Variants in ATP13A3 observed in about 807,000 individuals in gnomAD.
ATP13A3 encodes the protein ATPase 13A3, also known as polyamine-transporting ATPase 13A3.
ATP13A3 carries 59 observed loss-of-function variants against 158.1 expected under a neutral mutation model. The ratio of observed to expected loss-of-function variants is 0.37; its 90% CI spans 0.30 to 0.46. The LOEUF is 0.46. ATP13A3 is among the 20% of genes least tolerant of loss of function. The probability of loss-of-function intolerance (pLI) is 1.00; values close to 1 mark genes in which losing one functional copy is unlikely to be tolerated. For synonymous variants in ATP13A3, 491 were observed against 504.3 expected, an observed-to-expected ratio of 0.97 and a Z score of 0.35; for missense variants, 1,166 against 1,525.2, an observed-to-expected ratio of 0.76 and a Z score of 3.92.
chr3:194,455,923 C>T lies in ATP13A3; in HGVS notation c.600G>A (p.Val200=). ...LYGVNEIAVK[V]PSVFKLLIKE... Reference sequence around the variant, plus strand: ...TAATTAGAAGCTTAAAAACAGAAGGCACTTTTACAGCAATTTCATTTACTC... The same window carrying T: ...TAATTAGAAGCTTAAAAACAGAAGGTACTTTTACAGCAATTTCATTTACTC... The change falls in exon 8 of 34, where the codon GTG becomes GTA. Residue 200 remains valine, a synonymous_variant. Coordinates refer to ENST00000645319, the MANE Select transcript of ATP13A3 (RefSeq NM_001367549.1). The T allele has an allele frequency of 6.4e-7, 1 of 1,554,666 alleles. No individual in the cohort carries two copies. The highest frequency in any genetic ancestry group is 8.7e-7 in the Non-Finnish European group (1 of 1,142,952).
upstream of ATP13A3, chr3:194,488,485 C>T (rs2109093860): frequency 6.5e-6 from 1 of 152,814 alleles, no homozygotes; most frequent in South Asian, 2.1e-4. This position sits in a 1 kb window ranked among gnomAD's most constrained non-coding sequence, Gnocchi z 4.1. Context: ...CCCTGGCTGC[C>T]TCTGCTTCCT....
Position 194,427,203 on chromosome 3 carries a change from C to T in ATP13A3, c.2997G>A (p.Ser999=), listed in dbSNP as rs368291439. 335 of 1,610,940 alleles carry T rather than the reference C, an allele frequency of 2.1e-4. No homozygotes were observed. The highest frequency in any genetic ancestry group is 2.6e-4 in the Non-Finnish European group (310 of 1,179,394). ...AGAGAAGGGCCCCAGATATAAGACC[C>T]GAAGGTGGTCTTTGTGCCACAAGTT... is the stretch of plus-strand genomic sequence containing the variant. ...WKELVAQRPP[S]GLISGALLFS... The change falls in exon 29 of 34, where the codon TCG becomes TCA. Residue 999 remains serine (S), a synonymous_variant. Transcript: ENST00000645319.
chr3:194,481,049 G>C (rs1720729008), intron 2 of ATP13A3, among the ~76,000 whole-genome samples: 1 of 152,066 alleles, frequency 6.6e-6, no homozygotes, highest in South Asian at 2.1e-4. Flanking sequence ...TTTTCCAAGG[G>C]TAATTTTGAC....
chr3:194,444,040 G>A (rs1311329541), intron 15 of ATP13A3, among the ~76,000 whole-genome samples: 1 of 152,036 alleles, frequency 6.6e-6, no homozygotes, highest in Non-Finnish European at 1.5e-5. Context: ...CATCCATCTG[G>A]CAAAAATTAC....
chr3:194,418,491 T>C (rs1716055427), intron 31 of ATP13A3, among the ~76,000 whole-genome samples: 1 of 150,950 alleles, frequency 6.6e-6, no homozygotes, highest in Admixed American at 6.6e-5. Flanking sequence ...AAAGACAACA[T>C]CCTAGAAAAA....
At position 194,460,811 on chromosome 3, in the gene ATP13A3, C is replaced by T; in HGVS notation, c.72G>A (p.Leu24=). ...AAACTATGGCAAGCTTCCAGCGACT[C>T]AAATTGTAACCATAAATCTCCTGCA... ...EDEMEIYGYN[L]SRWKLAIVSL... is the part of the protein sequence containing the mutation. The change falls in exon 4 of 34, where the codon TTG becomes TTA. Residue 24 remains leucine, a synonymous_variant. Transcript: ENST00000645319. The T allele has an allele frequency of 6.2e-7, 1 of 1,613,952 alleles. No homozygotes were observed. The highest frequency in any genetic ancestry group is 8.5e-7 in the Non-Finnish European group (1 of 1,179,934).
At position 194,437,654 on chromosome 3, in the gene ATP13A3, T is replaced by C. The variant is rs1250295925; in HGVS notation, c.1828-81A>G. On this transcript the variant is annotated intron_variant, in intron 17 of 33. Transcript: ENST00000645319. Reference sequence around the variant, plus strand: ...AAAGTTAGAAAAAGTTTACTAAGCATCCACAAAACATTATTTGGAAAAGAA... The same window carrying C: ...AAAGTTAGAAAAAGTTTACTAAGCACCCACAAAACATTATTTGGAAAAGAA... The C allele has an allele frequency of 6.0e-6, 8 of 1,336,528 alleles. No individual in the cohort carries two copies. The East Asian group carries it at 1.7e-4, about 29-fold the overall frequency. 82.8% of individuals were successfully genotyped at this position (1,336,528 alleles called of 1,614,324 possible). A position where few individuals can be genotyped will look rare whatever the true frequency, so the allele number is the denominator to read the frequency against.
intron 20 of ATP13A3, among the ~76,000 whole-genome samples, chr3:194,435,894 G>A (rs1030709777): frequency 2.0e-5 from 3 of 152,012 alleles, no homozygotes; most frequent in African/African-American, 4.8e-5. Context: ...GCAACAGAGC[G>A]AGACTCCGTC....
intron 10 of ATP13A3, chr3:194,452,515 T>A (rs900060888): frequency 6.6e-6 from 1 of 152,230 alleles, no homozygotes. Flanking sequence ...AAATTAATAA[T>A]AATAGCCTTC....
At chr3:194,484,127 T>C (rs976561833) in intron 2 of ATP13A3, among the ~76,000 whole-genome samples, 1 of 152,186 alleles carries the variant, frequency 6.6e-6, no homozygotes, top group African/African-American at 2.4e-5. Context: ...CCTAGTCACA[T>C]ACAACTAACC....
chr3:194,422,780 T>C (rs1346904307), intron 30 of ATP13A3, among the ~76,000 whole-genome samples: 1 of 151,758 alleles, frequency 6.6e-6, no homozygotes, highest in Non-Finnish European at 1.5e-5. Flanking sequence ...ATATATCTCT[T>C]TGTTCCTTCC....
At chr3:194,474,416 G>A (rs1720437038) in intron 2 of ATP13A3, among the ~76,000 whole-genome samples, 1 of 152,128 alleles carries the variant, frequency 6.6e-6, no homozygotes, top group South Asian at 2.1e-4. Flanking sequence ...GGCCTTCCAA[G>A]CAGCTGGAAA....
At chr3:194,439,313 G>C (rs1010004985) in intron 16 of ATP13A3, among the ~76,000 whole-genome samples, 1 of 152,168 alleles carries the variant, frequency 6.6e-6, no homozygotes, top group African/African-American at 2.4e-5. Context: ...GGTTCTTGTA[G>C]TCCCCAGAAT....
At chr3:194,462,028 T>A in intron 3 of ATP13A3, 112 bp downstream of exon 3, 2 of 944,724 alleles carry the variant, frequency 2.1e-6, no homozygotes, top group East Asian at 5.2e-5. Flanking sequence ...AGAAGCCCAT[T>A]GAGTTAGCTG....
upstream of ATP13A3, among the ~76,000 whole-genome samples, chr3:194,490,243 G>A (rs1248603614): frequency 6.6e-6 from 1 of 152,094 alleles, no homozygotes; most frequent in Non-Finnish European, 1.5e-5. The surrounding 1 kb of genome is among the most constrained non-coding windows in gnomAD (Gnocchi z 4.4). Flanking sequence ...TCGGCCCCAG[G>A]ATCTATTTTC....
intron 2 of ATP13A3, among the ~76,000 whole-genome samples, chr3:194,478,448 A>G (rs1720616697): frequency 6.6e-6 from 1 of 152,086 alleles, no homozygotes; most frequent in Non-Finnish European, 1.5e-5. Flanking sequence ...CAGTAAGAGG[A>G]AAAATGTTAG....
At chr3:194,489,234 C>G (rs1032640154), upstream of ATP13A3, among the ~76,000 whole-genome samples, 2 of 152,022 alleles carry the variant, frequency 1.3e-5, no homozygotes, top group Non-Finnish European at 2.9e-5. This position sits in a 1 kb window ranked among gnomAD's most constrained non-coding sequence, Gnocchi z 4.1. Context: ...CACACGAGGT[C>G]AGGAGTTCAA....
chr3:194,427,825 G>A (rs79892645), intron 28 of ATP13A3, among the ~76,000 whole-genome samples: 2,980 of 151,970 alleles, frequency 0.02, 69 homozygotes, highest in East Asian at 0.069. Flanking sequence ...TTCCTCTTAC[G>A]ATATTCACAA....
In ATP13A3 at chr3:194,406,070, C is replaced by T. The variant is rs1183602765; in HGVS notation, c.3620G>A (p.Gly1207Asp). Residue 1207 changes from glycine (G) to aspartate (D), a missense_variant, in exon 34 of 34, where the codon GGC becomes GAC. Transcript: ENST00000645319. The stretch of plus-strand genomic sequence containing the variant: ...TGCCTTTGGTGTCTTCTTTCTACAG[C>T]CCAGGGCCCAGGGTAAGCAGCATTT... ...WGKCCLPWAL[G>D]CRKKTPKAKY... The T allele has an allele frequency of 1.2e-6, 2 of 1,614,020 alleles. No homozygotes were observed. The highest frequency in any genetic ancestry group is 1.7e-6 in the Non-Finnish European group (2 of 1,180,040).
Sources: allele counts gnomAD v4.1 joint callset (sites outside exome capture counted in the v4.1 genomes callset), GRCh38; gene constraint gnomAD v4.1.1; non-coding constraint Gnocchi (gnomAD v3.1); transcripts MANE v1.5; gene names NCBI Gene and HGNC (gene_info 2026-07-23, HGNC 2026-07-21).